The following FHOD3 variants were observed in gnomAD, a reference collection of about 807,000 sequenced individuals.
FHOD3 encodes the protein FH1/FH2 domain-containing protein 3.
FHOD3 carries 90 observed loss-of-function variants against 173.0 expected under a neutral mutation model. The ratio of observed to expected loss-of-function variants is 0.52; its 90% CI spans 0.44 to 0.62. The LOEUF (loss-of-function observed/expected upper bound fraction) is 0.62, where lower values mean the gene tolerates loss of function less well. FHOD3 is among the 20% of genes least tolerant of loss of function. The pLI, the probability that FHOD3 is intolerant of heterozygous loss-of-function variation, is 0.00. For synonymous variants in FHOD3, 828 were observed against 823.0 expected (o/e 1.01, Z -0.10); for missense variants, 1,945 against 2,034.7 (o/e 0.96, Z 0.85).
chr18:36,668,442 A>G (rs2037323361), intron 14 of FHOD3, among the ~76,000 whole-genome samples: 1 of 151,784 alleles, frequency 6.6e-6, no homozygotes. Context: ...GAGATTTATC[A>G]ATTTTTTTTT....
At chr18:36,393,113 TGTG>T (rs1274124853) in intron 3 of FHOD3, among the ~76,000 whole-genome samples, 1 of 152,242 alleles carries the variant, frequency 6.6e-6, no homozygotes, top group African/African-American at 2.4e-5. Context: ...TAGTTTGTGA[TGTG>T]GTCATTCCAG....
intron 1 of FHOD3, among the ~76,000 whole-genome samples, chr18:36,337,299 T>C (rs2145372258): frequency 6.6e-6 from 1 of 152,324 alleles, no homozygotes; most frequent in South Asian, 2.1e-4. Flanking sequence ...GAAATGTACT[T>C]CCTGCACAGT....
intron 3 of FHOD3, among the ~76,000 whole-genome samples, chr18:36,383,702 T>C (rs538895665): frequency 6.6e-6 from 1 of 152,364 alleles, no homozygotes; most frequent in South Asian, 2.1e-4. Context: ...ACTCGACAAG[T>C]GTATCTCCTT....
At position 36,780,009 on chromosome 18, in the gene FHOD3, T is replaced by A. The variant is rs560490344; in HGVS notation, c.*479T>A. 1 of 565,420 alleles carries A rather than the reference T, an allele frequency of 1.8e-6. No individual in the cohort carries two copies. Among genetic ancestry groups the A allele is most frequent in the Non-Finnish European group, 2.7e-6 (1 of 376,926 alleles). 35.0% of individuals were successfully genotyped at this position (565,420 alleles called of 1,614,324 possible). A position where few individuals can be genotyped will look rare whatever the true frequency, so the allele number is the denominator to read the frequency against. ...TGTAACAAATGTTTATACAAATACA[T>A]ACATGTACACCATGTTTCAAATACT... On this transcript the variant is annotated 3_prime_UTR_variant, in exon 29 of 29. Transcript: ENST00000590592.
chr18:36,656,120 G>C lies in FHOD3; in HGVS notation c.1722-1955G>C, dbSNP rs751369372. On this transcript the variant is annotated intron_variant, in intron 13 of 28. Coordinates refer to ENST00000590592, the MANE Select transcript of FHOD3 (RefSeq NM_001281740.3). ...TCACGGAGAGTGCTAGGTGTCGTGCGGGGCAGCCTCCTTCCCCTCCCTCAT... is the reference window on the plus strand; with the variant it reads ...TCACGGAGAGTGCTAGGTGTCGTGCCGGGCAGCCTCCTTCCCCTCCCTCAT... Among the ~76,000 whole-genome samples, 8 of 152,232 alleles carry C rather than the reference G, an allele frequency of 5.3e-5. No individual in the cohort carries two copies. The East Asian group carries it at 1.5e-3, about 29-fold the overall frequency.
At chr18:36,454,342 C>T (rs984733260) in intron 3 of FHOD3, among the ~76,000 whole-genome samples, 7 of 151,978 alleles carry the variant, frequency 4.6e-5, no homozygotes, top group African/African-American at 7.3e-5. Flanking sequence ...CACACATGAG[C>T]GCACACAGAA....
intron 3 of FHOD3, among the ~76,000 whole-genome samples, chr18:36,411,693 A>G (rs192582318): frequency 7.2e-5 from 11 of 152,364 alleles, no homozygotes; most frequent in Admixed American, 2.0e-4. Flanking sequence ...TATCTCCACC[A>G]CCTGGCCTGA....
chr18:36,379,917 C>T (rs1396975150), intron 3 of FHOD3, among the ~76,000 whole-genome samples: 2 of 152,030 alleles, frequency 1.3e-5, no homozygotes, highest in East Asian at 1.9e-4. Flanking sequence ...TTTTGGTATC[C>T]AGAGGGTGTG....
At chr18:36,573,592 A>G (rs1430931870) in intron 5 of FHOD3, among the ~76,000 whole-genome samples, 1 of 152,236 alleles carries the variant, frequency 6.6e-6, no homozygotes, top group African/African-American at 2.4e-5. Context: ...TGACAGCGTG[A>G]GACCGTGTCT....
At chr18:36,569,498 A>C (rs2058382251) in intron 5 of FHOD3, among the ~76,000 whole-genome samples, 1 of 152,178 alleles carries the variant, frequency 6.6e-6, no homozygotes, top group East Asian at 1.9e-4. Flanking sequence ...TGGAGACTTC[A>C]ATACTTCTTT....
At chr18:36,523,170 T>G (rs2056356422) in intron 5 of FHOD3, among the ~76,000 whole-genome samples, 1 of 152,186 alleles carries the variant, frequency 6.6e-6, no homozygotes, top group Non-Finnish European at 1.5e-5. Flanking sequence ...TTCCTAGAAT[T>G]ACAGCCCTCT....
chr18:36,501,668 T>A (rs1459012662), intron 3 of FHOD3, among the ~76,000 whole-genome samples: 4 of 152,144 alleles, frequency 2.6e-5, no homozygotes, highest in Admixed American at 2.6e-4. Context: ...CAGAGTGGAT[T>A]TCTACCTGTT....
intron 23 of FHOD3, among the ~76,000 whole-genome samples, chr18:36,745,678 C>T (rs1029143972): frequency 6.6e-6 from 1 of 152,046 alleles, no homozygotes; most frequent in Non-Finnish European, 1.5e-5. Context: ...ACCTCCGCGC[C>T]CCTGCTCACC....
chr18:36,530,611 C>T (rs1422529271), intron 5 of FHOD3, among the ~76,000 whole-genome samples: 1 of 152,188 alleles, frequency 6.6e-6, no homozygotes, highest in Non-Finnish European at 1.5e-5. Flanking sequence ...TTTATTAGTT[C>T]TCTGGTTGGT....
At chr18:36,321,723 A>G (rs1167984690) in intron 1 of FHOD3, among the ~76,000 whole-genome samples, 1 of 152,164 alleles carries the variant, frequency 6.6e-6, no homozygotes, top group Non-Finnish European at 1.5e-5. Flanking sequence ...GGGAGCGGTG[A>G]CCAGGGCTGT....
chr18:36,448,538 T>A (rs1030322435), intron 3 of FHOD3, among the ~76,000 whole-genome samples: 8 of 152,170 alleles, frequency 5.3e-5, no homozygotes, highest in Admixed American at 4.6e-4. Context: ...CACATGACTC[T>A]CTGGGGCCAG....
At chr18:36,556,237 A>G (rs1217626809) in intron 5 of FHOD3, among the ~76,000 whole-genome samples, 2 of 152,194 alleles carry the variant, frequency 1.3e-5, no homozygotes, top group Non-Finnish European at 2.9e-5. Flanking sequence ...CCCTTGAACA[A>G]TATGAGTGAA....
chr18:36,381,616 G>T (rs2146288705), intron 3 of FHOD3, among the ~76,000 whole-genome samples: 1 of 152,312 alleles, frequency 6.6e-6, no homozygotes, highest in South Asian at 2.1e-4. Context: ...TGTGCAGGAT[G>T]GCAACTTGCT....
At chr18:36,637,290 AT>A (rs1447906376) in intron 10 of FHOD3, among the ~76,000 whole-genome samples, 2 of 152,068 alleles carry the variant, frequency 1.3e-5, no homozygotes, top group African/African-American at 4.8e-5. Context: ...CTCCTATTTC[AT>A]TTTTGTTTTT....
Sources: allele counts gnomAD v4.1 joint callset (sites outside exome capture counted in the v4.1 genomes callset), GRCh38; gene constraint gnomAD v4.1.1; transcripts MANE v1.5; gene names NCBI Gene and HGNC (gene_info 2026-07-23, HGNC 2026-07-21).